CUEDC1: variants seen among roughly 807,000 people sequenced by gnomAD.
The protein encoded by CUEDC1 is CUE domain containing 1.
A neutral mutation model predicts 43.7 loss-of-function variants in CUEDC1; 30 were observed. The observed-to-expected ratio is 0.69, with a 90% CI of 0.51 to 0.93. The LOEUF (loss-of-function observed/expected upper bound fraction) is 0.93, where lower values mean the gene tolerates loss of function less well. Ranked by LOEUF, CUEDC1 falls within the 40% of genes least tolerant of loss-of-function variation. CUEDC1 has a pLI of 0.00. For synonymous variants in CUEDC1, 223 were observed against 223.6 expected, an observed-to-expected ratio of 1.00 and a Z score of 0.02; for missense variants, 486 against 549.0, an observed-to-expected ratio of 0.89 and a Z score of 1.15.
intron 1 of CUEDC1, among the ~76,000 whole-genome samples, chr17:57,887,683 T>TG (rs2074309580): frequency 7.4e-6 from 1 of 135,622 alleles, no homozygotes; most frequent in Non-Finnish European, 1.6e-5. Context: ...TTTTGTATTT[T>TG]TAATACAGAT....
At chr17:57,932,281 CAAAAAAAAAAAAAAA>C (rs56137797) in intron 1 of CUEDC1, among the ~76,000 whole-genome samples, 1 of 121,946 alleles carries the variant, frequency 8.2e-6, no homozygotes, top group Non-Finnish European at 1.6e-5. Flanking sequence ...CACTGTGTCT[CAAAAAAAAAAAAAAA>C]AAAAAAAGGC....
chr17:57,862,145 G>A lies in CUEDC1; in HGVS notation c.*1144C>T, dbSNP rs986419998. 7 of 152,310 alleles carry A rather than the reference G, an allele frequency of 4.6e-5. No individual in the cohort carries two copies. The highest frequency in any genetic ancestry group is 1.2e-4 in the African/African-American group (5 of 41,468). 9.4% of individuals were successfully genotyped at this position (152,310 alleles called of 1,614,324 possible). ...CCTGCCCAGGCTTCCCGGCTCTCCG[G>A]AAGGTCTGCGCGCTCCCATGTCCAG... On this transcript the variant is annotated 3_prime_UTR_variant, in exon 11 of 11. Coordinates refer to ENST00000577830, the MANE Select transcript of CUEDC1 (RefSeq NM_001271875.2).
At chr17:57,863,872 G>A (rs554030934) in intron 10 of CUEDC1, among the ~76,000 whole-genome samples, 3 of 151,700 alleles carry the variant, frequency 2.0e-5, no homozygotes, top group Non-Finnish European at 4.4e-5. Flanking sequence ...GGGGTGGCAC[G>A]TGCCTGTAAT....
chr17:57,920,833 C>T (rs1039601073), intron 1 of CUEDC1, among the ~76,000 whole-genome samples: 1 of 151,994 alleles, frequency 6.6e-6, no homozygotes, highest in East Asian at 1.9e-4. Context: ...AACAGGGTTT[C>T]GCCATGTTGG....
chr17:57,884,057 C>T (rs2074252101), intron 2 of CUEDC1, among the ~76,000 whole-genome samples: 1 of 152,148 alleles, frequency 6.6e-6, no homozygotes, highest in Admixed American at 6.5e-5. Flanking sequence ...AGCCACTTCC[C>T]TGGAGAGACT....
intron 6 of CUEDC1, among the ~76,000 whole-genome samples, chr17:57,870,851 T>C (rs2074025072): frequency 6.6e-6 from 1 of 152,108 alleles, no homozygotes; most frequent in Non-Finnish European, 1.5e-5. Context: ...TAATTTTTAG[T>C]ACTTTTTTGG....
intron 1 of CUEDC1, among the ~76,000 whole-genome samples, chr17:57,952,755 T>C (rs1207292670): frequency 1.3e-5 from 2 of 152,164 alleles, no homozygotes; most frequent in East Asian, 1.9e-4. Context: ...TGCCAAACAC[T>C]GTGCTCTCTA....
chr17:57,949,518 C>T (rs2074986391), intron 1 of CUEDC1, among the ~76,000 whole-genome samples: 1 of 151,694 alleles, frequency 6.6e-6, no homozygotes, highest in African/African-American at 2.4e-5. Context: ...CTCCACCCTC[C>T]CCCACCACGA....
chr17:57,896,487 G>GGGGGGGGGTGT lies in CUEDC1; in HGVS notation c.-315-10609_-315-10608insACACCCCCCCC, dbSNP rs375270781. On this transcript the variant is annotated intron_variant, in intron 1 of 10. Transcript: ENST00000577830. Reference sequence around the variant, plus strand: ...GTCACTCTACTATAGTGCATTATGGGGTGTGTGTGTGTGTGTGTGTGTGTG... The same window carrying GGGGGGGGGTGT: ...GTCACTCTACTATAGTGCATTATGGGGGGGGGGGTGTGTGTGTGTGTGTGTGTGTGTGTGTG... Among the ~76,000 whole-genome samples the GGGGGGGGGTGT allele has an allele frequency of 6.8e-4, 89 of 130,360 alleles. 1 individual carries two copies. The highest frequency in any genetic ancestry group is 1.5e-3 in the South Asian group (6 of 4,024). 85.5% of individuals were successfully genotyped at this position (130,360 alleles called of 152,430 possible).
At chr17:57,889,891 T>C (rs1597987185) in intron 1 of CUEDC1, among the ~76,000 whole-genome samples, 1 of 152,186 alleles carries the variant, frequency 6.6e-6, no homozygotes, top group East Asian at 1.9e-4. Flanking sequence ...TCTGAGGCCA[T>C]GGCTGTGGTG....
intron 1 of CUEDC1, among the ~76,000 whole-genome samples, chr17:57,890,496 C>T (rs763968079): frequency 5.9e-5 from 9 of 152,228 alleles, no homozygotes; most frequent in Non-Finnish European, 8.8e-5. Context: ...TCAGACCTCT[C>T]GGAGGCTGAC....
At chr17:57,888,048 G>A (rs184727999) in intron 1 of CUEDC1, among the ~76,000 whole-genome samples, 88 of 151,236 alleles carry the variant, frequency 5.8e-4, no homozygotes, top group African/African-American at 1.8e-3. Flanking sequence ...CTACAGGCAC[G>A]TGCCACCACG....
At position 57,885,264 on chromosome 17, in the gene CUEDC1, C is replaced by T; in HGVS notation, c.301G>A (p.Asp101Asn). ...ATGCTGTCCTCCGAGTCGGAGCTGT[C>T]CTCATAGACGCCGCCGCTGCTGCCA... Reference protein sequence around the residue: ...GGGSSGGVYEDSSDSEDSIPP... With the variant: ...GGGSSGGVYENSSDSEDSIPP... Residue 101 changes from aspartate (D) to asparagine (N), a missense_variant, in exon 2 of 11, where the codon GAC (aspartate) becomes AAC (asparagine). Transcript: ENST00000577830. 1 of 1,602,932 alleles carries T rather than the reference C, an allele frequency of 6.2e-7. No homozygotes were observed.
intron 10 of CUEDC1, among the ~76,000 whole-genome samples, chr17:57,863,550 G>C (rs2073911751): frequency 6.6e-6 from 1 of 152,282 alleles, no homozygotes; most frequent in East Asian, 1.9e-4. Flanking sequence ...GGGTGAAGCA[G>C]CTGTAGGGGA....
intron 2 of CUEDC1, among the ~76,000 whole-genome samples, chr17:57,883,949 C>G (rs942316680): frequency 6.6e-6 from 1 of 152,090 alleles, no homozygotes; most frequent in African/African-American, 2.4e-5. Flanking sequence ...TCTGCTGATA[C>G]TGGGTGGCCA....
intron 1 of CUEDC1, among the ~76,000 whole-genome samples, chr17:57,896,528 A>G (rs988915850): frequency 2.3e-4 from 24 of 103,096 alleles, no homozygotes; most frequent in South Asian, 1.8e-3. Context: ...GTGTGTGTGT[A>G]TGAAATCCGA....
chr17:57,872,543 T>C (rs1197010888), intron 5 of CUEDC1, 120 bp downstream of exon 5: 2 of 1,124,960 alleles, frequency 1.8e-6, no homozygotes, highest in South Asian at 1.4e-5. Flanking sequence ...CATGCCTCAA[T>C]AGGACAGAAA....
At chr17:57,918,788 T>C (rs1167854518) in intron 1 of CUEDC1, among the ~76,000 whole-genome samples, 1 of 152,240 alleles carries the variant, frequency 6.6e-6, no homozygotes, top group East Asian at 1.9e-4. Flanking sequence ...GTAGATGGCA[T>C]ACAATAGGCC....
rs1429104344 is a variant in CUEDC1, at chr17:57,930,751, G to T, written c.-316+24474C>A. On this transcript the variant is annotated intron_variant, in intron 1 of 10. Coordinates refer to ENST00000577830, the MANE Select transcript of CUEDC1 (RefSeq NM_001271875.2). The surrounding 1 kb of genome is among the most constrained non-coding windows in gnomAD (Gnocchi z 4.2). ...TAAGAGCTGGAAGCCTGGGAGGAAGGGATGTGCTGTGGCCAACACAGGAGG... is the reference window on the plus strand; with the variant it reads ...TAAGAGCTGGAAGCCTGGGAGGAAGTGATGTGCTGTGGCCAACACAGGAGG... Among the ~76,000 whole-genome samples, 2 of 152,176 alleles carry T rather than the reference G, an allele frequency of 1.3e-5. No homozygotes were observed. Among genetic ancestry groups the T allele is most frequent in the East Asian group, 3.8e-4 (2 of 5,202 alleles).
Sources: allele counts gnomAD v4.1 joint callset (sites outside exome capture counted in the v4.1 genomes callset), GRCh38; gene constraint gnomAD v4.1.1; non-coding constraint Gnocchi (gnomAD v3.1); transcripts MANE v1.5; gene names NCBI Gene and HGNC (gene_info 2026-07-23, HGNC 2026-07-21).